The following INPP4A variants were observed in gnomAD, a reference collection of about 807,000 sequenced individuals.
The protein encoded by INPP4A is inositol polyphosphate-4-phosphatase, type I, 107kD.
INPP4A carries 33 observed loss-of-function variants against 119.8 expected under a neutral mutation model. The ratio of observed to expected loss-of-function variants is 0.28; its 90% CI spans 0.21 to 0.37. The LOEUF (loss-of-function observed/expected upper bound fraction) is 0.37, where lower values mean the gene tolerates loss of function less well. Among genes scored for constraint, INPP4A ranks in the 10% least tolerant of loss-of-function variants. INPP4A has a pLI of 1.00. For missense variants in INPP4A, 956 were observed against 1,289.9 expected (o/e 0.74, Z 3.97); for synonymous variants, 496 against 500.7 (o/e 0.99, Z 0.12).
chr2:98,537,872 G>C lies in INPP4A; in HGVS notation c.477G>C (p.Glu159Asp). 1 of 1,610,770 alleles carries C rather than the reference G, an allele frequency of 6.2e-7. No homozygotes were observed. Among genetic ancestry groups the C allele is most frequent in the Non-Finnish European group, 8.5e-7 (1 of 1,178,126 alleles). ...ATGTTGTGCATCACAGGTCTGCAGA[G>C]AGTGACCGTGTAGGTAACATCACCG... is the stretch of plus-strand genomic sequence containing the variant. ...HRLHLTLRSA[E>D]SDRVGNITVI... is the part of the protein sequence containing the mutation. The change falls in exon 8 of 25, where the codon GAG becomes GAC. Residue 159 changes from glutamate to aspartate, a missense_variant. Around this residue, in one of 2 missense-constraint regions of INPP4A, gnomAD observed 652 missense variants for 797.9 expected, o/e 0.82. Coordinates refer to ENST00000409851, the MANE Select transcript of INPP4A (RefSeq NM_001134225.2).
At chr2:98,469,905 C>T (rs1415014602) in intron 1 of INPP4A, among the ~76,000 whole-genome samples, 1 of 152,180 alleles carries the variant, frequency 6.6e-6, no homozygotes, top group East Asian at 1.9e-4. Context: ...CTCTTAGATG[C>T]CGAGCCTCAG....
chr2:98,583,785 C>T (rs1296429596), intron 24 of INPP4A, among the ~76,000 whole-genome samples: 3 of 152,224 alleles, frequency 2.0e-5, no homozygotes, highest in African/African-American at 7.2e-5. Context: ...CCAGGACTCC[C>T]AGACCTTACC....
chr2:98,524,243 C>T (rs1254539436), intron 4 of INPP4A, among the ~76,000 whole-genome samples: 1 of 148,332 alleles, frequency 6.7e-6, no homozygotes, highest in East Asian at 2.0e-4. Flanking sequence ...TGCAGTTTAC[C>T]TCAACAGCAT....
chr2:98,492,879 T>A (rs1681127800), intron 1 of INPP4A, among the ~76,000 whole-genome samples: 1 of 152,184 alleles, frequency 6.6e-6, no homozygotes, highest in Admixed American at 6.5e-5. Flanking sequence ...ATTTAATAGA[T>A]AAGGAGCCTG....
At position 98,587,791 on chromosome 2, in the gene INPP4A, G is replaced by A. The variant is rs1276782176; in HGVS notation, c.*183G>A. ...GTTTTTTGGGTTTTTTTCCCCATTGGAATCAATAGGAGGTAATGTTTGGCT... is the reference window on the plus strand; with the variant it reads ...GTTTTTTGGGTTTTTTTCCCCATTGAAATCAATAGGAGGTAATGTTTGGCT... On this transcript the variant is annotated 3_prime_UTR_variant, in exon 25 of 25. Coordinates refer to ENST00000409851, the MANE Select transcript of INPP4A (RefSeq NM_001134225.2). 1 of 512,174 alleles carries A rather than the reference G, an allele frequency of 2.0e-6. No individual in the cohort carries two copies. The highest frequency in any genetic ancestry group is 2.0e-5 in the African/African-American group (1 of 49,594). The allele number at this position is 512,174 out of a possible 1,614,324, so 31.7% of individuals were successfully genotyped here. A position where few individuals can be genotyped will look rare whatever the true frequency, so the allele number is the denominator to read the frequency against.
intron 17 of INPP4A, among the ~76,000 whole-genome samples, chr2:98,561,248 A>G (rs2106305586): frequency 6.6e-6 from 1 of 152,324 alleles, no homozygotes; most frequent in East Asian, 1.9e-4. Flanking sequence ...TTTTCTACAA[A>G]AACGTGGGTC....
intron 1 of INPP4A, among the ~76,000 whole-genome samples, chr2:98,490,105 G>C (rs964608726): frequency 8.6e-5 from 13 of 151,848 alleles, no homozygotes; most frequent in Non-Finnish European, 1.8e-4. Context: ...TCTCAGTCTT[G>C]TAGATGGCTT....
At chr2:98,525,706 T>C (rs1040483408) in intron 4 of INPP4A, among the ~76,000 whole-genome samples, 2 of 152,246 alleles carry the variant, frequency 1.3e-5, no homozygotes, top group South Asian at 4.1e-4. Context: ...GAGCAGACAC[T>C]AGACAAAATA....
chr2:98,476,451 G>T (rs146488312), intron 1 of INPP4A, among the ~76,000 whole-genome samples: 64 of 152,312 alleles, frequency 4.2e-4, no homozygotes, highest in African/African-American at 1.5e-3. Flanking sequence ...CTCCAGGGTG[G>T]GCCCCTCGCT....
chr2:98,471,632 A>G (rs1390526196), intron 1 of INPP4A, among the ~76,000 whole-genome samples: 1 of 152,222 alleles, frequency 6.6e-6, no homozygotes, highest in Non-Finnish European at 1.5e-5. Context: ...TTTGCCAAGT[A>G]GACTGTGTAG....
chr2:98,451,831 A>G (rs1373720771), intron 1 of INPP4A, among the ~76,000 whole-genome samples: 1 of 152,196 alleles, frequency 6.6e-6, no homozygotes, highest in Non-Finnish European at 1.5e-5. Flanking sequence ...ATTTAGGCAG[A>G]TGGTTGTTTC....
intron 23 of INPP4A, 80 bp from the exon 24 acceptor site, chr2:98,576,909 G>A: frequency 2.6e-6 from 4 of 1,512,766 alleles, no homozygotes; most frequent in Middle Eastern, 1.9e-4. Flanking sequence ...TGGGCTGGTT[G>A]GGAGCCTTTC....
intron 1 of INPP4A, among the ~76,000 whole-genome samples, chr2:98,493,956 A>G (rs1216094498): frequency 2.6e-5 from 4 of 152,218 alleles, no homozygotes; most frequent in Admixed American, 1.3e-4. Flanking sequence ...TTTTAAGAAA[A>G]CAACCAAACT....
chr2:98,538,899 T>A lies in INPP4A; in HGVS notation c.588T>A (p.Leu196=), dbSNP rs751191865. Residue 196 remains leucine (L), a synonymous_variant, in exon 9 of 25, where the codon CTT becomes CTA. Coordinates refer to ENST00000409851, the MANE Select transcript of INPP4A (RefSeq NM_001134225.2). ...TCCTTATACATTATCAGATGGTTCT[T>A]CCTGTCGATGAGAGCTTGACGGAGG... ...SVDTVNGRMV[L]PVDESLTEAL... is the part of the protein sequence containing the mutation. The A allele has an allele frequency of 6.2e-7, 1 of 1,601,608 alleles. No individual in the cohort carries two copies. The highest frequency in any genetic ancestry group is 8.6e-7 in the Non-Finnish European group (1 of 1,169,490).
In INPP4A at chr2:98,564,689, A is replaced by G. The variant is rs1303725216; in HGVS notation, c.2078A>G (p.His693Arg). The change falls in exon 19 of 25, where the codon CAT becomes CGT. Residue 693 changes from histidine (H) to arginine (R), a missense_variant. Coordinates refer to ENST00000409851, the MANE Select transcript of INPP4A (RefSeq NM_001134225.2). ...GFIIKLRNCL[H>R]DDGFLRQLYT... The stretch of plus-strand genomic sequence containing the variant: ...ATCATTAAGCTGAGGAACTGCCTGC[A>G]TGACGACGGCTTCCTGCGCCAGCTC... 11 of 1,608,944 alleles carry G rather than the reference A, an allele frequency of 6.8e-6. No individual in the cohort carries two copies. Among genetic ancestry groups the G allele is most frequent in the Middle Eastern group, 1.7e-4 (1 of 6,054 alleles).
At chr2:98,580,954 C>A (rs1474192241) in intron 24 of INPP4A, among the ~76,000 whole-genome samples, 2 of 152,216 alleles carry the variant, frequency 1.3e-5, no homozygotes, top group Non-Finnish European at 2.9e-5. Flanking sequence ...CCCTAACTTG[C>A]AAAGATGGAA....
chr2:98,493,686 A>G (rs1292907772), intron 1 of INPP4A, among the ~76,000 whole-genome samples: 1 of 152,042 alleles, frequency 6.6e-6, no homozygotes, highest in African/African-American at 2.4e-5. Context: ...CTCAGCCCCA[A>G]AATAATGTCT....
At chr2:98,446,572 T>C (rs1233497343) in intron 1 of INPP4A, among the ~76,000 whole-genome samples, 2 of 152,132 alleles carry the variant, frequency 1.3e-5, no homozygotes, top group African/African-American at 4.8e-5. Flanking sequence ...AGAGTTTGGC[T>C]TGAAGAAAAG....
chr2:98,559,116 T>C (rs1367472382), intron 16 of INPP4A, among the ~76,000 whole-genome samples: 2 of 152,264 alleles, frequency 1.3e-5, no homozygotes, highest in African/African-American at 2.4e-5. Context: ...GCTCTGCCAC[T>C]ACAATGTGAT....
Sources: allele counts gnomAD v4.1 joint callset (sites outside exome capture counted in the v4.1 genomes callset), GRCh38; gene constraint gnomAD v4.1.1; regional missense constraint gnomAD v4.1.1; transcripts MANE v1.5; gene names NCBI Gene and HGNC (gene_info 2026-07-23, HGNC 2026-07-21).